HSF5: variants seen among roughly 807,000 people sequenced by gnomAD.
HSF5 encodes heat shock transcription factor 5.
Under a neutral mutation model 50.8 loss-of-function variants are expected in HSF5, and 5 were observed. The ratio of observed to expected loss-of-function variants is 0.10; its 90% CI spans 0.05 to 0.21. HSF5 has a LOEUF of 0.21. HSF5 is among the 10% of genes least tolerant of loss of function. The pLI is 1.00. For missense variants in HSF5, 564 were observed against 762.6 expected, an observed-to-expected ratio of 0.74 and a Z score of 3.07; for synonymous variants, 307 against 307.4, an observed-to-expected ratio of 1.00 and a Z score of 0.02.
At chr17:58,457,042 T>A (rs887677686) in intron 5 of HSF5, among the ~76,000 whole-genome samples, 4 of 145,170 alleles carry the variant, frequency 2.8e-5, no homozygotes, top group African/African-American at 1.0e-4. Context: ...GCAGATCACC[T>A]GAGGTCAGGA....
chr17:58,437,492 A>G (rs1974442085), intron 5 of HSF5, among the ~76,000 whole-genome samples: 1 of 152,204 alleles, frequency 6.6e-6, no homozygotes, highest in Non-Finnish European at 1.5e-5. Context: ...CCGTAATCCT[A>G]TTATATATAC....
chr17:58,479,993 A>G lies in HSF5; in HGVS notation c.825T>C (p.Ser275=), dbSNP rs1975075289. ...TTTGAGGACCTTGTTGAACATGTAC[A>G]GATGTGGTGCTGGGCTGCAGTGTAT... ...VTYTLQPSTT[S]VHVQQGPQTM... The change falls in exon 2 of 6, where the codon TCT becomes TCC. Residue 275 remains serine (S), a synonymous_variant. Coordinates refer to ENST00000323777, the MANE Select transcript of HSF5 (RefSeq NM_001080439.3). 1 of 1,614,164 alleles carries G rather than the reference A, an allele frequency of 6.2e-7. No homozygotes were observed.
At chr17:58,468,265 G>C (rs1177688001) in intron 2 of HSF5, among the ~76,000 whole-genome samples, 1 of 152,162 alleles carries the variant, frequency 6.6e-6, no homozygotes, top group Non-Finnish European at 1.5e-5. Flanking sequence ...AGGCTTGGCG[G>C]CACATGTTTG....
intron 4 of HSF5, among the ~76,000 whole-genome samples, chr17:58,461,746 T>G (rs970669548): frequency 6.6e-6 from 1 of 152,068 alleles, no homozygotes; most frequent in Non-Finnish European, 1.5e-5. Context: ...GTGGCTCGCC[T>G]GTAATCCCAG....
intron 4 of HSF5, among the ~76,000 whole-genome samples, chr17:58,459,887 G>A (rs1974767960): frequency 6.6e-6 from 1 of 152,176 alleles, no homozygotes; most frequent in South Asian, 2.1e-4. Flanking sequence ...CCATAGGCAT[G>A]ATCCTGTTAG....
At chr17:58,439,986 T>G (rs1293959648) in intron 5 of HSF5, among the ~76,000 whole-genome samples, 1 of 152,122 alleles carries the variant, frequency 6.6e-6, no homozygotes, top group Non-Finnish European at 1.5e-5. Flanking sequence ...AAGAATTTTT[T>G]TTTTTAATGA....
chr17:58,471,397 G>A (rs546126920), intron 2 of HSF5, among the ~76,000 whole-genome samples: 1 of 152,194 alleles, frequency 6.6e-6, no homozygotes, highest in Admixed American at 6.5e-5. Flanking sequence ...GCACCAAAAA[G>A]CTCTTATAAT....
intron 5 of HSF5, among the ~76,000 whole-genome samples, chr17:58,448,504 A>G (rs1290570549): frequency 6.6e-6 from 1 of 152,190 alleles, no homozygotes; most frequent in Non-Finnish European, 1.5e-5. Flanking sequence ...AGCAAATAAC[A>G]CACAAAGGAG....
chr17:58,478,970 A>G (rs1257675853), intron 2 of HSF5, among the ~76,000 whole-genome samples: 1 of 151,596 alleles, frequency 6.6e-6, no homozygotes, highest in South Asian at 2.1e-4. Flanking sequence ...GTTCCCAATT[A>G]GTGGCTTGGG....
Position 58,479,375 on chromosome 17 carries a change from T to C in HSF5, c.925+518A>G, listed in dbSNP as rs533121133. On this transcript the variant is annotated intron_variant, in intron 2 of 5. Coordinates refer to ENST00000323777, the MANE Select transcript of HSF5 (RefSeq NM_001080439.3). ...TGGAATGCTGTGGAGTGATCTCTGC[T>C]TACTGCAACCTCTGCCTCCGAGGTT... 4.6e-5 allele frequency among the ~76,000 whole-genome samples: 7 copies of C among 152,264 alleles called. No individual in the cohort carries two copies. The South Asian group carries it at 1.5e-3, about 32-fold the overall frequency.
intron 1 of HSF5, among the ~76,000 whole-genome samples, chr17:58,485,244 C>T (rs764775838): frequency 1.3e-5 from 2 of 152,192 alleles, no homozygotes; most frequent in South Asian, 2.1e-4. Flanking sequence ...TGAGCCACCA[C>T]GCCCGGCCCC....
chr17:58,444,786 T>A (rs1974537857), intron 5 of HSF5, among the ~76,000 whole-genome samples: 1 of 152,106 alleles, frequency 6.6e-6, no homozygotes, highest in African/African-American at 2.4e-5. Context: ...CAAAATAGCA[T>A]AAAAGGCAAC....
chr17:58,454,095 A>C (rs1454957173), intron 5 of HSF5, among the ~76,000 whole-genome samples: 1 of 152,120 alleles, frequency 6.6e-6, no homozygotes, highest in Non-Finnish European at 1.5e-5. Flanking sequence ...TCTGTCACAA[A>C]CACTCTGCCT....
At chr17:58,474,954 T>C (rs1347609030) in intron 2 of HSF5, among the ~76,000 whole-genome samples, 2 of 152,188 alleles carry the variant, frequency 1.3e-5, no homozygotes, top group Non-Finnish European at 2.9e-5. Flanking sequence ...GGGAAAAAAT[T>C]AGGCCTTAAC....
At chr17:58,440,799 C>T (rs910897131) in intron 5 of HSF5, among the ~76,000 whole-genome samples, 3 of 152,002 alleles carry the variant, frequency 2.0e-5, no homozygotes, top group African/African-American at 7.3e-5. Context: ...AACAGAAATC[C>T]TAGAATTGAA....
intron 2 of HSF5, among the ~76,000 whole-genome samples, chr17:58,474,772 A>G (rs777316747): frequency 6.6e-6 from 1 of 152,190 alleles, no homozygotes; most frequent in East Asian, 1.9e-4. Context: ...GCTGGAATGC[A>G]GTGGCACAAT....
At position 58,487,988 on chromosome 17, in the gene HSF5, C is replaced by G. The variant is rs1263432093; in HGVS notation, c.287G>C (p.Gly96Ala). 2 of 1,610,552 alleles carry G rather than the reference C, an allele frequency of 1.2e-6. No individual in the cohort carries two copies. Among genetic ancestry groups the G allele is most frequent in the Non-Finnish European group, 1.7e-6 (2 of 1,179,230 alleles). ...GCCTGCCGGTTTGCCGCCCCCCGGC[C>G]CGCCCAGCACCACCTTGCGGAAGCC... Reference protein sequence around the residue: ...LYGFRKVVLGGPGGGKPAGNG... With the variant: ...LYGFRKVVLGAPGGGKPAGNG... Residue 96 changes from glycine (G) to alanine (A), a missense_variant, in exon 1 of 6, where the codon GGG (glycine) becomes GCG (alanine). By Grantham distance (60) the Gly-to-Ala change is moderately conservative (BLOSUM62 0). This residue lies in a region of HSF5 where 29 missense variants were observed against 24.7 expected (regional missense o/e 1.18). Transcript: ENST00000323777.
rs1974284357 is a variant in HSF5, at chr17:58,425,562, A to G, written c.1721-3132T>C. On this transcript the variant is annotated intron_variant, in intron 5 of 5. Transcript: ENST00000323777. ...TGCACTCCAGCCTGGGCAACATAGT[A>G]AGACCTCTATCTCAAAAAAAAAAAA... Among the ~76,000 whole-genome samples, 10 of 137,470 alleles carry G rather than the reference A, an allele frequency of 7.3e-5. No individual in the cohort carries two copies. In the South Asian group the frequency reaches 2.4e-3, roughly 33 times the overall value. 90.2% of individuals were successfully genotyped at this position (137,470 alleles called of 152,430 possible). A position where few individuals can be genotyped will look rare whatever the true frequency, so the allele number is the denominator to read the frequency against.
chr17:58,472,412 C>T (rs1018356062), intron 2 of HSF5, among the ~76,000 whole-genome samples: 11 of 152,086 alleles, frequency 7.2e-5, no homozygotes, highest in Middle Eastern at 3.2e-3. Flanking sequence ...GGAGTTCAGG[C>T]TGCAGTGAGC....
Sources: gnomAD v4.1 joint callset for allele counts (sites outside exome capture counted in the v4.1 genomes callset) on GRCh38, gnomAD v4.1.1 for gene constraint, gnomAD v4.1.1 regional missense constraint, MANE v1.5 for transcripts, NCBI Gene and HGNC (gene_info 2026-07-23, HGNC 2026-07-21) for gene names.